The following SPMIP8 variants were observed in gnomAD, a reference collection of about 807,000 sequenced individuals.
SPMIP8 encodes sperm microtubule inner protein 8.
the SPMIP8 span, among the ~76,000 whole-genome samples, chr16:57,978,688 T>C: frequency 2.6e-5 from 4 of 152,064 alleles, no homozygotes; most frequent in African/African-American, 7.2e-5. Flanking sequence ...TGATCACAGC[T>C]CACTGCAACC....
At chr16:57,981,389 A>AATAATTATTAGTATTATTATT in the SPMIP8 span, among the ~76,000 whole-genome samples, 1 of 132,912 alleles carries the variant, frequency 7.5e-6, no homozygotes, top group Non-Finnish European at 1.6e-5. Context: ...CAATAATAAT[A>AATAATTATTAGTATTATTATT]ATAATTATTA....
chr16:57,987,188 A>G, the SPMIP8 span: 2 of 435,650 alleles, frequency 4.6e-6, no homozygotes, highest in Non-Finnish European at 8.0e-6. Flanking sequence ...TCAATGGGAG[A>G]GAAGGATGAG....
At chr16:57,984,570 C>T in the SPMIP8 span, 2 of 1,500,032 alleles carry the variant, frequency 1.3e-6, no homozygotes, top group East Asian at 4.8e-5. Flanking sequence ...TTGGGATGGA[C>T]TGGGATGGCT....
At chr16:57,984,597 G>C in the SPMIP8 span, 3 of 1,515,506 alleles carry the variant, frequency 2.0e-6, no homozygotes, top group Non-Finnish European at 2.7e-6. Flanking sequence ...GGCTCCTGCG[G>C]CTACGGCCGC....
the SPMIP8 span, among the ~76,000 whole-genome samples, chr16:57,982,278 G>A: frequency 6.6e-6 from 1 of 152,172 alleles, no homozygotes; most frequent in African/African-American, 2.4e-5. Context: ...TGCCCTCAAA[G>A]ATGTCTTTTC....
chr16:57,985,546 T>G, the SPMIP8 span: 1 of 1,595,286 alleles, frequency 6.3e-7, no homozygotes, highest in Non-Finnish European at 8.5e-7. Flanking sequence ...TTCGACTCCC[T>G]GTAAGTGACG....
At chr16:57,981,389 A>AATTATTATTATTATTACTATT in the SPMIP8 span, among the ~76,000 whole-genome samples, 1 of 132,912 alleles carries the variant, frequency 7.5e-6, no homozygotes, top group Admixed American at 7.8e-5. Flanking sequence ...CAATAATAAT[A>AATTATTATTATTATTACTATT]ATAATTATTA....
At chr16:57,985,675 C>T in the SPMIP8 span, 12 of 1,332,260 alleles carry the variant, frequency 9.0e-6, no homozygotes, top group Non-Finnish European at 1.2e-5. Flanking sequence ...TCCAATACAC[C>T]AGAAACAAAT....
the SPMIP8 span, among the ~76,000 whole-genome samples, chr16:57,982,986 C>T: frequency 4.6e-5 from 7 of 152,088 alleles, no homozygotes; most frequent in African/African-American, 1.2e-4. Flanking sequence ...GCCGAGACCG[C>T]GCCACTGTAC....
At chr16:57,984,931 G>A in the SPMIP8 span, 4 of 1,348,906 alleles carry the variant, frequency 3.0e-6, no homozygotes, top group East Asian at 7.7e-5. Context: ...CGGGGCCGCT[G>A]AGATGAAGCT....
At chr16:57,984,947 A>G in the SPMIP8 span, 1 of 1,272,570 alleles carries the variant, frequency 7.9e-7, no homozygotes, top group South Asian at 1.6e-5. Context: ...AAGCTGTGGC[A>G]CTTGCGGTGG....
At chr16:57,978,506 C>T in the SPMIP8 span, among the ~76,000 whole-genome samples, 1 of 151,828 alleles carries the variant, frequency 6.6e-6, no homozygotes, top group Non-Finnish European at 1.5e-5. Context: ...CATCACTGCA[C>T]TCCAGCCTGG....
the SPMIP8 span, among the ~76,000 whole-genome samples, chr16:57,977,419 A>AAAAG: frequency 6.0e-5 from 9 of 150,980 alleles, no homozygotes; most frequent in Non-Finnish European, 1.2e-4. Flanking sequence ...AAAAAAAAAA[A>AAAAG]AAAAAGAAAA....
the SPMIP8 span, chr16:57,985,837 C>T: frequency 6.5e-7 from 1 of 1,533,186 alleles, no homozygotes. Context: ...GGGTGGCTCC[C>T]GAGGTCGAGT....
At chr16:57,987,645 C>T in the SPMIP8 span, 1 of 466,508 alleles carries the variant, frequency 2.1e-6, no homozygotes, top group Admixed American at 4.4e-5. Flanking sequence ...GTATCTTACC[C>T]TTGCCCGTCC....
the SPMIP8 span, chr16:57,987,257 A>C: frequency 8.5e-6 from 7 of 824,110 alleles, no homozygotes; most frequent in East Asian, 1.0e-4. Flanking sequence ...AAAATACAGA[A>C]AACAGGGAGC....
At chr16:57,987,642 A>C in the SPMIP8 span, 3 of 475,668 alleles carry the variant, frequency 6.3e-6, no homozygotes, top group Non-Finnish European at 6.9e-6. Context: ...ACAGTATCTT[A>C]CCCTTGCCCG....
chr16:57,978,431 T>C, the SPMIP8 span, among the ~76,000 whole-genome samples: 1 of 151,798 alleles, frequency 6.6e-6, no homozygotes, highest in Non-Finnish European at 1.5e-5. Flanking sequence ...TCCCAGCTAC[T>C]TGGGAGGCTG....
chr16:57,979,640 C>T, the SPMIP8 span, among the ~76,000 whole-genome samples: 5 of 151,368 alleles, frequency 3.3e-5, no homozygotes, highest in African/African-American at 9.7e-5. Flanking sequence ...ACTCCCACTG[C>T]CCCCGCATAC....
Sources: allele counts gnomAD v4.1 joint callset (sites outside exome capture counted in the v4.1 genomes callset), GRCh38; gene constraint gnomAD v4.1.1; transcripts MANE v1.5; gene names NCBI Gene and HGNC (gene_info 2026-07-23, HGNC 2026-07-21).